The following TVP23C variants were observed in gnomAD, a reference collection of about 807,000 sequenced individuals.
TVP23C encodes Golgi apparatus membrane protein TVP23 homolog C.
In TVP23C, 19 loss-of-function variants were observed where a neutral mutation model predicts 28.7. That is an observed-to-expected ratio of 0.66 (90% confidence interval 0.46 to 0.97). The LOEUF is 0.97. Among genes scored for constraint, TVP23C ranks in the 50% least tolerant of loss-of-function variants. The pLI, the probability that TVP23C is intolerant of heterozygous loss-of-function variation, is 0.00. For synonymous variants in TVP23C, 68 were observed against 81.7 expected, an observed-to-expected ratio of 0.83 and a Z score of 0.90; for missense variants, 186 against 241.3, an observed-to-expected ratio of 0.77 and a Z score of 1.52.
chr17:15,548,328 A>G (rs972395373), intron 3 of TVP23C, among the ~76,000 whole-genome samples: 1 of 152,138 alleles, frequency 6.6e-6, no homozygotes, highest in Non-Finnish European at 1.5e-5. Context: ...CATCATGCCC[A>G]GCTAATTTTG....
chr17:15,533,896 C>T (rs1983045674), downstream of TVP23C, among the ~76,000 whole-genome samples: 1 of 152,168 alleles, frequency 6.6e-6, no homozygotes, highest in Non-Finnish European at 1.5e-5. Flanking sequence ...GAGCAAATAT[C>T]ACACATGTAA....
chr17:15,502,970 A>C (rs1464466208), exon 6 of TVP23C: 1 of 1,614,204 alleles, frequency 6.2e-7, no homozygotes, highest in East Asian at 2.2e-5. Context: ...CAAGGAGAGA[A>C]ATAGGCGGGC....
chr17:15,514,937 G>T (rs750958176), intron 5 of TVP23C, among the ~76,000 whole-genome samples: 1 of 152,174 alleles, frequency 6.6e-6, no homozygotes, highest in Non-Finnish European at 1.5e-5. Context: ...GTGCCACCCA[G>T]ATCCCCGCGG....
Position 15,557,472 on chromosome 17 carries a change from T to C in TVP23C, c.13-2108A>G, listed in dbSNP as rs1984186434. Among the ~76,000 whole-genome samples the C allele has an allele frequency of 1.3e-5, 2 of 148,264 alleles. 1 individual carries two copies. Among genetic ancestry groups the C allele is most frequent in the South Asian group, 4.4e-4 (2 of 4,522 alleles). ...GGCTAATTAGCCTGGCTAATTTTTG[T>C]AATTTTAGAAGAGACAGAGTCTCAC... On this transcript the variant is annotated intron_variant, in intron 1 of 5. Transcript: ENST00000518321.
At chr17:15,536,109 G>A (rs1983143500), downstream of TVP23C, among the ~76,000 whole-genome samples, 1 of 152,042 alleles carries the variant, frequency 6.6e-6, no homozygotes, top group Admixed American at 6.6e-5. Context: ...AGAATCACTT[G>A]AACCCAGAGG....
downstream of TVP23C, among the ~76,000 whole-genome samples, chr17:15,536,499 T>C (rs1404865515): frequency 6.6e-6 from 1 of 152,182 alleles, no homozygotes; most frequent in Admixed American, 6.5e-5. Context: ...TGCCATTCCC[T>C]AGCTAATTAG....
intron 3 of TVP23C, among the ~76,000 whole-genome samples, chr17:15,551,902 T>G (rs1983909520): frequency 6.6e-6 from 1 of 152,212 alleles, no homozygotes; most frequent in Non-Finnish European, 1.5e-5. Flanking sequence ...CCAAGTCCAC[T>G]TAATAATTTC....
rs1983226787 is a variant in TVP23C at position 15,537,984 on chromosome 17, C to T, written c.*2428G>A. ...AAATAAAAACTTAATATGAAAACTA[C>T]TTTTCCTTTTTATAAATAAAGTTTT... On this transcript the variant is annotated 3_prime_UTR_variant, in exon 6 of 6. Transcript: ENST00000518321. 1 of 1,475,004 alleles carries T rather than the reference C, an allele frequency of 6.8e-7. No homozygotes were observed. Among genetic ancestry groups the T allele is most frequent in the Non-Finnish European group, 9.0e-7 (1 of 1,114,030 alleles). 91.4% of individuals were successfully genotyped at this position (1,475,004 alleles called of 1,614,324 possible).
chr17:15,552,752 T>C (rs1983950645), intron 3 of TVP23C, among the ~76,000 whole-genome samples: 2 of 152,246 alleles, frequency 1.3e-5, no homozygotes, highest in Non-Finnish European at 2.9e-5. Flanking sequence ...TGTAACATCT[T>C]ACTAGTCTTT....
intron 3 of TVP23C, among the ~76,000 whole-genome samples, chr17:15,550,167 ATTATT>A (rs1983826362): frequency 6.6e-6 from 1 of 152,146 alleles, no homozygotes; most frequent in South Asian, 2.1e-4. Context: ...GCTTTAGTCT[ATTATT>A]TTCCCTCTGA....
At chr17:15,550,705 T>C (rs1983846553) in intron 3 of TVP23C, among the ~76,000 whole-genome samples, 1 of 152,234 alleles carries the variant, frequency 6.6e-6, no homozygotes, top group African/African-American at 2.4e-5. Flanking sequence ...CCTTTTTTTG[T>C]TCCTCTTAGT....
intron 3 of TVP23C, among the ~76,000 whole-genome samples, chr17:15,547,574 T>C (rs1346013323): frequency 6.6e-6 from 1 of 152,240 alleles, no homozygotes; most frequent in Non-Finnish European, 1.5e-5. Flanking sequence ...TGTACCAAGC[T>C]CTTTTCCTAC....
rs1597518551 is a variant in TVP23C at position 15,527,285 on chromosome 17, ATT to A, written c.462+18498_462+18499del. On this transcript the variant is annotated intron_variant, in intron 5 of 5. Coordinates refer to the TVP23C transcript ENST00000225576. ...GAGCAAAGCCCAATTCCCATGAATCATTCTTTGCTCTGTTACATTTATTTTGT... is the reference window on the plus strand; with the variant it reads ...GAGCAAAGCCCAATTCCCATGAATCACTTTGCTCTGTTACATTTATTTTGT... Among the ~76,000 whole-genome samples the A allele has an allele frequency of 2.6e-5, 4 of 152,328 alleles. No individual in the cohort carries two copies. The East Asian group carries it at 5.8e-4, about 22-fold the overall frequency.
chr17:15,539,086 T>C lies in TVP23C; in HGVS notation c.*1326A>G, dbSNP rs1343890212. On this transcript the variant is annotated 3_prime_UTR_variant, in exon 6 of 6. Coordinates refer to ENST00000518321, the MANE Select transcript of TVP23C (RefSeq NM_001135036.2). ...TTCTCGGGGCTTTAGTTATCTAAAATGTAATCCCTGGACCAGTGCCCTCAG... is the reference window on the plus strand; with the variant it reads ...TTCTCGGGGCTTTAGTTATCTAAAACGTAATCCCTGGACCAGTGCCCTCAG... The C allele has an allele frequency of 1.0e-6, 1 of 982,574 alleles. No homozygotes were observed. The highest frequency in any genetic ancestry group is 6.2e-5 in the Admixed American group (1 of 16,256). The allele number at this position is 982,574 out of a possible 1,614,324, so 60.9% of individuals were successfully genotyped here. A position where few individuals can be genotyped will look rare whatever the true frequency, so the allele number is the denominator to read the frequency against.
intron 1 of TVP23C, among the ~76,000 whole-genome samples, chr17:15,558,877 T>C (rs1314036885): frequency 6.7e-6 from 1 of 148,230 alleles, no homozygotes; most frequent in African/African-American, 2.4e-5. Flanking sequence ...TTTTTTTTTT[T>C]TTTTTTGACA....
chr17:15,511,191 G>A (rs897377341), intron 5 of TVP23C, among the ~76,000 whole-genome samples: 1 of 152,012 alleles, frequency 6.6e-6, no homozygotes, highest in African/African-American at 2.4e-5. Context: ...CCGGTCTACA[G>A]TAGAGAGGTT....
At chr17:15,558,235 T>C (rs1314544978) in intron 1 of TVP23C, among the ~76,000 whole-genome samples, 1 of 144,522 alleles carries the variant, frequency 6.9e-6, no homozygotes, top group Non-Finnish European at 1.5e-5. Context: ...CCAGGGAGAC[T>C]TTTTCACATC....
intron 3 of TVP23C, among the ~76,000 whole-genome samples, chr17:15,547,763 G>A (rs1317205343): frequency 1.3e-5 from 2 of 152,180 alleles, no homozygotes; most frequent in Non-Finnish European, 1.5e-5. Context: ...ATTACCAACT[G>A]AGTTAAGTCC....
In TVP23C at chr17:15,537,532, A is replaced by G. The variant is rs1252458679; in HGVS notation, c.*2880T>C. The G allele has an allele frequency of 1.6e-5, 16 of 984,028 alleles. No homozygotes were observed. The highest frequency in any genetic ancestry group is 1.9e-5 in the Non-Finnish European group (16 of 828,766). 61.0% of individuals were successfully genotyped at this position (984,028 alleles called of 1,614,324 possible). ...GGCCTTAAGTAGATAACTTCTTACAAACAAAAATAAAATTTTATAAAGTAG... is the reference window on the plus strand; with the variant it reads ...GGCCTTAAGTAGATAACTTCTTACAGACAAAAATAAAATTTTATAAAGTAG... On this transcript the variant is annotated 3_prime_UTR_variant, in exon 6 of 6. Coordinates refer to ENST00000518321, the MANE Select transcript of TVP23C (RefSeq NM_001135036.2).
Sources: allele counts gnomAD v4.1 joint callset (sites outside exome capture counted in the v4.1 genomes callset), GRCh38; gene constraint gnomAD v4.1.1; transcripts MANE v1.5; gene names NCBI Gene and HGNC (gene_info 2026-07-23, HGNC 2026-07-21).